KLRD1: variants seen among roughly 807,000 people sequenced by gnomAD.
KLRD1 encodes the protein natural killer cells antigen CD94.
A neutral mutation model predicts 22.6 loss-of-function variants in KLRD1; 21 were observed. The ratio of observed to expected loss-of-function variants is 0.93; its 90% CI spans 0.66 to 1.34. The LOEUF (loss-of-function observed/expected upper bound fraction) is 1.34, where lower values mean the gene tolerates loss of function less well. Among genes scored for constraint, KLRD1 ranks in the 40% most tolerant of loss-of-function variants. KLRD1 has a pLI of 0.00. For synonymous variants in KLRD1, 59 were observed against 71.1 expected (o/e 0.83, Z 0.85); for missense variants, 183 against 208.6 (o/e 0.88, Z 0.76).
chr12:10,251,372 G>A (rs1949344957), intron 1 of KLRD1, among the ~76,000 whole-genome samples: 1 of 151,942 alleles, frequency 6.6e-6, no homozygotes, highest in Non-Finnish European at 1.5e-5. Context: ...TAATCCTCCG[G>A]TCTTAGCCTC....
upstream of KLRD1, among the ~76,000 whole-genome samples, chr12:10,299,715 A>G (rs1949851386): frequency 6.6e-6 from 1 of 152,162 alleles, no homozygotes; most frequent in East Asian, 1.9e-4. Flanking sequence ...TTAAAATAAA[A>G]AAATGAATTT....
chr12:10,257,141 T>TTTC (rs546067882), intron 1 of KLRD1, among the ~76,000 whole-genome samples: 16,699 of 121,352 alleles, frequency 0.14, 1,102 homozygotes, highest in Non-Finnish European at 0.2. Flanking sequence ...TTTCTTTTCT[T>TTTC]TTTTTTTTTT....
In KLRD1 at chr12:10,318,915, C is replaced by G. The variant is rs1451146036; in HGVS notation, c.*4122C>G. On this transcript the variant is annotated 3_prime_UTR_variant, in exon 6 of 6. Transcript: ENST00000336164. Reference sequence around the variant, plus strand: ...GAACCTTATAATTCATTTCAGTTATCTACACCTGGAAATGTTAGTTCTATA... The same window carrying G: ...GAACCTTATAATTCATTTCAGTTATGTACACCTGGAAATGTTAGTTCTATA... 6.9e-6 allele frequency: 1 copy of G among 145,666 alleles called. No homozygotes were observed. Among genetic ancestry groups the G allele is most frequent in the African/African-American group, 2.5e-5 (1 of 39,770 alleles). The allele number at this position is 145,666 out of a possible 1,614,324, so 9.0% of individuals were successfully genotyped here. A position where few individuals can be genotyped will look rare whatever the true frequency, so the allele number is the denominator to read the frequency against.
At chr12:10,305,215 G>A (rs988082025), upstream of KLRD1, among the ~76,000 whole-genome samples, 1 of 152,206 alleles carries the variant, frequency 6.6e-6, no homozygotes, top group African/African-American at 2.4e-5. Flanking sequence ...TGCAGGGGAG[G>A]AAGAGGGCAT....
chr12:10,239,518 CCTTTCTTTCTTTCTTT>C (rs55671846), intron 1 of KLRD1, among the ~76,000 whole-genome samples: 2,705 of 59,216 alleles, frequency 0.046, 69 homozygotes, highest in African/African-American at 0.057. Context: ...CCTTCCCTCC[CCTTTCTTTCTTTCTTT>C]CTTTCTTTCT....
rs771898326 is a variant in KLRD1 at position 10,314,801 on chromosome 12, T to C, written c.*8T>C. 3.1e-6 allele frequency: 5 copies of C among 1,602,672 alleles called. No individual in the cohort carries two copies. Among genetic ancestry groups the C allele is most frequent in the East Asian group, 2.2e-5 (1 of 44,570 alleles). On this transcript the variant is annotated 3_prime_UTR_variant, in exon 6 of 6. Coordinates refer to ENST00000336164, the MANE Select transcript of KLRD1 (RefSeq NM_002262.5). ...AAGCAACAGCTCATTTAAATGTTTC[T>C]TGGGGCAGAGAAGGTGGAGAGTAAA...
In KLRD1 at chr12:10,315,283, C is replaced by T; in HGVS notation, c.*490C>T. The T allele has an allele frequency of 2.2e-6, 1 of 444,736 alleles. No homozygotes were observed. Among genetic ancestry groups the T allele is most frequent in the Non-Finnish European group, 4.5e-6 (1 of 221,322 alleles). The allele number at this position is 444,736 out of a possible 1,614,324, so 27.5% of individuals were successfully genotyped here. A position where few individuals can be genotyped will look rare whatever the true frequency, so the allele number is the denominator to read the frequency against. ...GCAGGCACCATGTCACTATGCCCGA[C>T]TAATTTTTAATTTTTAATTTTTTGT... On this transcript the variant is annotated 3_prime_UTR_variant, in exon 6 of 6. Coordinates refer to ENST00000336164, the MANE Select transcript of KLRD1 (RefSeq NM_002262.5).
intron 1 of KLRD1, among the ~76,000 whole-genome samples, chr12:10,280,442 T>G (rs1949629498): frequency 6.6e-6 from 1 of 152,208 alleles, no homozygotes; most frequent in African/African-American, 2.4e-5. Context: ...AACTTTGTTT[T>G]TATTTCTTTA....
In KLRD1 at chr12:10,239,563, CTTTCTTTCTTTCTTTCTTTCTT is replaced by C. The variant is rs1339486434; in HGVS notation, c.-101+13348_-101+13369del. 3.0e-3 allele frequency among the ~76,000 whole-genome samples: 354 copies of C among 117,672 alleles called. 6 individuals are homozygous for C. Among genetic ancestry groups the C allele is most frequent in the African/African-American group, 0.013 (323 of 24,268 alleles). The allele number at this position is 117,672 out of a possible 152,430, so 77.2% of individuals were successfully genotyped here. A position where few individuals can be genotyped will look rare whatever the true frequency, so the allele number is the denominator to read the frequency against. ...TCTTTCTTTCTTTCTTTCTTTCTTT[CTTTCTTTCTTTCTTTCTTTCTT>C]TTTCTTTCTTTCTTTCTCTCTCTTT... On this transcript the variant is annotated intron_variant, in intron 1 of 5. Transcript: ENST00000544747.
rs146434493 is a variant in KLRD1, at chr12:10,316,322, T to C, written c.*1529T>C. ...CCAATTAGAAACCACTTTAGAGTTA[T>C]GCCTACTGTACCCACATAATCCTAA... On this transcript the variant is annotated 3_prime_UTR_variant, in exon 6 of 6. Transcript: ENST00000336164. The C allele has an allele frequency of 1.3e-5, 2 of 152,142 alleles. No homozygotes were observed. Among genetic ancestry groups the C allele is most frequent in the Admixed American group, 1.3e-4 (2 of 15,268 alleles). 9.4% of individuals were successfully genotyped at this position (152,142 alleles called of 1,614,324 possible).
intron 1 of KLRD1, among the ~76,000 whole-genome samples, chr12:10,251,021 C>T (rs946098641): frequency 1.1e-4 from 16 of 152,036 alleles, no homozygotes; most frequent in Admixed American, 9.8e-4. Context: ...TTCTGAAGTT[C>T]CATAAACTGG....
At chr12:10,248,579 T>TTCCTTCCC (rs1565446993) in intron 1 of KLRD1, among the ~76,000 whole-genome samples, 1 of 140,602 alleles carries the variant, frequency 7.1e-6, no homozygotes, top group East Asian at 2.0e-4. Context: ...CCTTCCTTCC[T>TTCCTTCCC]TCCTTCCCTT....
chr12:10,266,838 C>CA (rs1358591808), intron 1 of KLRD1, among the ~76,000 whole-genome samples: 1 of 145,184 alleles, frequency 6.9e-6, no homozygotes, highest in African/African-American at 2.5e-5. Flanking sequence ...ATAAAAGTGT[C>CA]ATGTGAAATC....
intron 1 of KLRD1, among the ~76,000 whole-genome samples, chr12:10,251,771 T>C (rs1264147733): frequency 6.6e-6 from 1 of 151,854 alleles, no homozygotes; most frequent in Non-Finnish European, 1.5e-5. Flanking sequence ...ACAACCTAGA[T>C]CCCTCGCATG....
At chr12:10,260,980 T>A (rs58732980) in intron 1 of KLRD1, among the ~76,000 whole-genome samples, 1,183 of 141,836 alleles carry the variant, frequency 8.3e-3, no homozygotes, top group Middle Eastern at 0.017. Context: ...AAAAAAAATT[T>A]TTTTGAGGTA....
At chr12:10,294,468 G>A (rs1290330368) in intron 1 of KLRD1, among the ~76,000 whole-genome samples, 4 of 151,964 alleles carry the variant, frequency 2.6e-5, no homozygotes, top group Non-Finnish European at 4.4e-5. Context: ...GCATGATCTC[G>A]GCTCACTGCA....
In KLRD1 at chr12:10,239,417, TTTCCATCCTTCCTTCCTTTCCTTCC is replaced by T. The variant is rs1384803296; in HGVS notation, c.-101+13189_-101+13213del. On this transcript the variant is annotated intron_variant, in intron 1 of 5. Transcript: ENST00000544747. Reference sequence around the variant, plus strand: ...GCAGCAGCATTTCCTTCCTTCCTTCTTTCCATCCTTCCTTCCTTTCCTTCCTTCCTTCCTTCCTTCCTTCCTTCCT... The same window carrying T: ...GCAGCAGCATTTCCTTCCTTCCTTCTTTCCTTCCTTCCTTCCTTCCTTCCT... Among the ~76,000 whole-genome samples, 5 of 55,398 alleles carry T rather than the reference TTTCCATCCTTCCTTCCTTTCCTTCC, an allele frequency of 9.0e-5. 2 individuals carry two copies. Among genetic ancestry groups the T allele is most frequent in the Non-Finnish European group, 1.8e-4 (5 of 27,970 alleles). The allele number at this position is 55,398 out of a possible 152,430, so 36.3% of individuals were successfully genotyped here.
At position 10,289,301 on chromosome 12, in the gene KLRD1, G is replaced by A. The variant is rs552873642; in HGVS notation, c.-100-18677G>A. Among the ~76,000 whole-genome samples, 21 of 152,202 alleles carry A rather than the reference G, an allele frequency of 1.4e-4. No individual in the cohort carries two copies. In the South Asian group the frequency reaches 4.2e-3, roughly 30 times the overall value. ...GAGCTCTTTGCAGCTCTTTCATGAGGTTCTTACACCTTGCTAGGTCCTATA... is the reference window on the plus strand; with the variant it reads ...GAGCTCTTTGCAGCTCTTTCATGAGATTCTTACACCTTGCTAGGTCCTATA... On this transcript the variant is annotated intron_variant, in intron 1 of 5. Coordinates refer to the KLRD1 transcript ENST00000544747.
At chr12:10,293,352 T>A (rs1433697486) in intron 1 of KLRD1, among the ~76,000 whole-genome samples, 1 of 151,076 alleles carries the variant, frequency 6.6e-6, no homozygotes, top group African/African-American at 2.4e-5. Flanking sequence ...AAGTAAGAGA[T>A]GTGTGACTCT....
Sources: gnomAD v4.1 joint callset for allele counts (sites outside exome capture counted in the v4.1 genomes callset) on GRCh38, gnomAD v4.1.1 for gene constraint, MANE v1.5 for transcripts, NCBI Gene and HGNC (gene_info 2026-07-23, HGNC 2026-07-21) for gene names.